Variants in NBAS observed in about 807,000 individuals in gnomAD.
NBAS encodes NAG/BC035112 fusion.
NBAS carries 219 observed loss-of-function variants against 302.5 expected under a neutral mutation model. The ratio of observed to expected loss-of-function variants is 0.72; its 90% CI spans 0.65 to 0.81. NBAS has a LOEUF of 0.81. Ranked by LOEUF, NBAS falls within the 30% of genes least tolerant of loss-of-function variation. NBAS has a pLI of 0.00. For synonymous variants in NBAS, 1,118 were observed against 1,021.6 expected, an observed-to-expected ratio of 1.09 and a Z score of -1.80; for missense variants, 2,932 against 2,841.6, an observed-to-expected ratio of 1.03 and a Z score of -0.72.
chr2:14,820,635 T>C, the NBAS span, among the ~76,000 whole-genome samples: 1 of 152,204 alleles, frequency 6.6e-6, no homozygotes, highest in Non-Finnish European at 1.5e-5. Context: ...TAGTCAATAA[T>C]AATTTAACTG....
intron 3 of NBAS, among the ~76,000 whole-genome samples, chr2:15,555,484 C>T (rs1664603597): frequency 6.6e-6 from 1 of 151,884 alleles, no homozygotes; most frequent in Non-Finnish European, 1.5e-5. Context: ...AAAGAGCTAG[C>T]TGATACAGGT....
At position 15,353,557 on chromosome 2, in the gene NBAS, G is replaced by T. The variant is rs144520644; in HGVS notation, c.4085C>A (p.Thr1362Lys). 59 of 1,613,976 alleles carry T rather than the reference G, an allele frequency of 3.7e-5. No individual in the cohort carries two copies. In the African/African-American group the frequency reaches 7.3e-4, roughly 20 times the overall value. Residue 1362 changes from threonine (T) to lysine (K), a missense_variant, in exon 34 of 52, where the codon ACA becomes AAA. By Grantham distance (78) the Thr-to-Lys change is moderately conservative. Transcript: ENST00000281513. ...LLLAASSSLQ[T>K]EILYQRVNFQ... ...TTCCTTTATCGAAGGACTTACTTCT[G>T]TCTGCAGAGAGCTGCTAGCTGCCAA...
At chr2:14,975,329 TC>T in the NBAS span, among the ~76,000 whole-genome samples, 1 of 152,194 alleles carries the variant, frequency 6.6e-6, no homozygotes, top group South Asian at 2.1e-4. Flanking sequence ...CCTATATGCC[TC>T]CATTAATATG....
chr2:15,371,082 G>A (rs1674462075), intron 31 of NBAS, among the ~76,000 whole-genome samples: 1 of 152,134 alleles, frequency 6.6e-6, no homozygotes, highest in African/African-American at 2.4e-5. Flanking sequence ...TGGATCATGG[G>A]GGCAGTTTCC....
At chr2:15,168,417 TG>T (rs1226709779) in intron 51 of NBAS, among the ~76,000 whole-genome samples, 1 of 152,194 alleles carries the variant, frequency 6.6e-6, no homozygotes, top group African/African-American at 2.4e-5. Flanking sequence ...AATAAAATCC[TG>T]CCCACTATCG....
chr2:15,322,774 A>T (rs188507008), intron 38 of NBAS, among the ~76,000 whole-genome samples: 1 of 152,176 alleles, frequency 6.6e-6, no homozygotes, highest in African/African-American at 2.4e-5. Flanking sequence ...TCACCCTTCA[A>T]TTCTGCTGAG....
At chr2:15,529,326 C>T (rs965521900) in intron 9 of NBAS, among the ~76,000 whole-genome samples, 1 of 151,776 alleles carries the variant, frequency 6.6e-6, no homozygotes, top group Non-Finnish European at 1.5e-5. Flanking sequence ...ATGGTGAAAC[C>T]CTATCTCTCC....
intron 44 of NBAS, among the ~76,000 whole-genome samples, chr2:15,255,881 G>T (rs191291651): frequency 4.1e-4 from 62 of 152,100 alleles, no homozygotes; most frequent in African/African-American, 1.5e-3. Flanking sequence ...TTTGTTTCTG[G>T]GTTATCCATT....
the NBAS span, among the ~76,000 whole-genome samples, chr2:15,118,421 G>A: frequency 1.6e-3 from 243 of 152,288 alleles, no homozygotes; most frequent in Non-Finnish European, 2.8e-3. Context: ...CGGCCTCTGT[G>A]AGCCACCATG....
chr2:14,984,734 G>C, the NBAS span, among the ~76,000 whole-genome samples: 1 of 152,072 alleles, frequency 6.6e-6, no homozygotes, highest in Non-Finnish European at 1.5e-5. Context: ...GAGTTAATTC[G>C]AGTTGGTCAT....
the NBAS span, among the ~76,000 whole-genome samples, chr2:14,817,214 G>A: frequency 6.6e-6 from 1 of 152,166 alleles, no homozygotes; most frequent in Non-Finnish European, 1.5e-5. Flanking sequence ...TCTCCGCCTT[G>A]TAACTATGGA....
Position 15,488,892 on chromosome 2 carries a change from AC to A in NBAS, c.1083+1del. On this transcript the variant is annotated splice_donor_variant, in intron 12 of 51. Transcript: ENST00000281513. LOFTEE classifies it high-confidence loss of function. ...TATCATTCTAATAACCAAGAGACGC[AC>A]CTGCTCATTTTGACCCCATTCCCCT... 1 of 1,613,598 alleles carries A rather than the reference AC, an allele frequency of 6.2e-7. No homozygotes were observed. Among genetic ancestry groups the A allele is most frequent in the Non-Finnish European group, 8.5e-7 (1 of 1,179,642 alleles).
intron 48 of NBAS, among the ~76,000 whole-genome samples, chr2:15,191,773 T>C (rs1332438286): frequency 6.6e-6 from 1 of 152,214 alleles, no homozygotes; most frequent in Non-Finnish European, 1.5e-5. Flanking sequence ...AGTTTGGCAA[T>C]GTTGCCTTGC....
At chr2:15,540,884 G>A (rs1205107933) in intron 6 of NBAS, among the ~76,000 whole-genome samples, 1 of 151,968 alleles carries the variant, frequency 6.6e-6, no homozygotes, top group African/African-American at 2.4e-5. Context: ...ACTAAGCCTG[G>A]CTAATTTTTT....
the NBAS span, among the ~76,000 whole-genome samples, chr2:15,052,234 C>T: frequency 6.6e-6 from 1 of 152,206 alleles, no homozygotes. Context: ...GGCATCCCAA[C>T]AGCAGCTCTC....
rs1339400701 is a variant in NBAS at position 15,368,313 on chromosome 2, C to T, written c.3704-1620G>A. Among the ~76,000 whole-genome samples, 5 of 150,520 alleles carry T rather than the reference C, an allele frequency of 3.3e-5. No individual in the cohort carries two copies. The South Asian group carries it at 8.4e-4, about 25-fold the overall frequency. The stretch of plus-strand genomic sequence containing the variant: ...CTCCCAGGTTCAAGCGATTCTTCTG[C>T]CTCAGCCTCCCGAGTAGCTGGGACT... On this transcript the variant is annotated intron_variant, in intron 31 of 51. Coordinates refer to ENST00000281513, the MANE Select transcript of NBAS (RefSeq NM_015909.4).
chr2:15,510,954 C>G (rs958455823), intron 10 of NBAS, among the ~76,000 whole-genome samples: 1 of 152,116 alleles, frequency 6.6e-6, no homozygotes, highest in Non-Finnish European at 1.5e-5. Flanking sequence ...TAAGCAAATA[C>G]AAGGAATGGG....
At chr2:15,351,925 G>A (rs930905088) in intron 35 of NBAS, 67 bp downstream of exon 35, 101 of 1,166,776 alleles carry the variant, frequency 8.7e-5, no homozygotes, top group Non-Finnish European at 1.2e-4. Flanking sequence ...CATCCACAAG[G>A]TTAGGTAATC....
the NBAS span, among the ~76,000 whole-genome samples, chr2:14,834,305 G>A: frequency 6.6e-6 from 1 of 152,102 alleles, no homozygotes; most frequent in African/African-American, 2.4e-5. Flanking sequence ...CATCTTTGCT[G>A]TGGAATCACA....
Sources: gnomAD v4.1 joint callset for allele counts (sites outside exome capture counted in the v4.1 genomes callset) on GRCh38, gnomAD v4.1.1 for gene constraint, MANE v1.5 for transcripts, NCBI Gene and HGNC (gene_info 2026-07-23, HGNC 2026-07-21) for gene names.